The following MAGI1 variants were observed in gnomAD, a reference collection of about 807,000 sequenced individuals.
MAGI1 encodes membrane-associated guanylate kinase, WW and PDZ domain-containing protein 1.
Under a neutral mutation model 139.9 loss-of-function variants are expected in MAGI1, and 58 were observed. The ratio of observed to expected loss-of-function variants is 0.41; its 90% CI spans 0.34 to 0.52. The LOEUF is 0.52. Ranked by LOEUF, MAGI1 falls within the 20% of genes least tolerant of loss-of-function variation. MAGI1 has a pLI of 0.12. For missense variants in MAGI1, 1,874 were observed against 1,901.6 expected, an observed-to-expected ratio of 0.99 and a Z score of 0.27; for synonymous variants, 812 against 737.9, an observed-to-expected ratio of 1.10 and a Z score of -1.63.
At chr3:65,645,461 T>A (rs1370416604) in intron 1 of MAGI1, among the ~76,000 whole-genome samples, 12 of 152,300 alleles carry the variant, frequency 7.9e-5, no homozygotes, top group South Asian at 2.1e-4. Flanking sequence ...TCTTCAGGAA[T>A]GTAGGTGAAA....
In MAGI1 at chr3:65,889,996, A is replaced by C. The variant is rs7627613; in HGVS notation, c.313+148000T>G. Reference sequence around the variant, plus strand: ...GTGCCTTTCAACAGATTGTTATCTTAATGTCTACCTCATGCTGTTCACAGA... The same window carrying C: ...GTGCCTTTCAACAGATTGTTATCTTCATGTCTACCTCATGCTGTTCACAGA... On this transcript the variant is annotated intron_variant, in intron 1 of 22. Transcript: ENST00000402939. 8.6e-3 allele frequency among the ~76,000 whole-genome samples: 1,315 copies of C among 152,306 alleles called. 24 individuals are homozygous for C. Among genetic ancestry groups the C allele is most frequent in the African/African-American group, 0.03 (1,259 of 41,566 alleles).
chr3:65,530,766 T>TATATACAC (rs2078652795), intron 2 of MAGI1, among the ~76,000 whole-genome samples: 1 of 16,298 alleles, frequency 6.1e-5, no homozygotes, highest in African/African-American at 1.9e-4. Flanking sequence ...CGTATATATA[T>TATATACAC]ATATATACAC....
At chr3:66,005,060 A>G (rs2107466664) in intron 1 of MAGI1, among the ~76,000 whole-genome samples, 1 of 152,354 alleles carries the variant, frequency 6.6e-6, no homozygotes, top group East Asian at 1.9e-4. Flanking sequence ...CAAAGTTCAG[A>G]TGACATCAAG....
intron 1 of MAGI1, among the ~76,000 whole-genome samples, chr3:65,776,101 C>T (rs2038396131): frequency 6.6e-6 from 1 of 152,034 alleles, no homozygotes; most frequent in African/African-American, 2.4e-5. Context: ...GTTGTCCTTC[C>T]TACTTAGTTT....
At chr3:65,527,273 T>C (rs1396475977) in intron 2 of MAGI1, among the ~76,000 whole-genome samples, 1 of 152,154 alleles carries the variant, frequency 6.6e-6, no homozygotes, top group Non-Finnish European at 1.5e-5. Flanking sequence ...CTAACTTACA[T>C]TGTTCAGAGT....
chr3:65,575,848 G>C (rs2081152290), intron 2 of MAGI1, among the ~76,000 whole-genome samples: 1 of 152,100 alleles, frequency 6.6e-6, no homozygotes, highest in South Asian at 2.1e-4. Context: ...TATAATTCTA[G>C]ATAAAACAAA....
chr3:65,854,706 C>G (rs1437188493), intron 1 of MAGI1, among the ~76,000 whole-genome samples: 2 of 152,252 alleles, frequency 1.3e-5, no homozygotes, highest in African/African-American at 2.4e-5. Context: ...AAAAACACAG[C>G]TAGTCTCTGT....
intron 5 of MAGI1, among the ~76,000 whole-genome samples, chr3:65,457,772 C>T (rs1299876935): frequency 6.6e-6 from 1 of 152,102 alleles, no homozygotes. Context: ...GACCATCTCC[C>T]TCAAGCATTT....
intron 2 of MAGI1, among the ~76,000 whole-genome samples, chr3:65,538,770 G>T (rs2079071487): frequency 6.6e-6 from 1 of 152,116 alleles, no homozygotes; most frequent in South Asian, 2.1e-4. Context: ...TCGTTTCTCT[G>T]TTCGATCCTC....
At chr3:65,494,436 A>G (rs774308792) in intron 2 of MAGI1, among the ~76,000 whole-genome samples, 8 of 152,230 alleles carry the variant, frequency 5.3e-5, no homozygotes, top group Non-Finnish European at 1.2e-4. Flanking sequence ...AACAAAGTGG[A>G]AGCAATGAGC....
chr3:65,847,320 T>C (rs2059039686), intron 1 of MAGI1, among the ~76,000 whole-genome samples: 1 of 152,164 alleles, frequency 6.6e-6, no homozygotes, highest in South Asian at 2.1e-4. Flanking sequence ...GTTAAGGGTA[T>C]CCTGGATGGA....
intron 1 of MAGI1, among the ~76,000 whole-genome samples, chr3:65,804,117 C>A (rs757111999): frequency 3.3e-5 from 5 of 152,040 alleles, no homozygotes; most frequent in Non-Finnish European, 5.9e-5. Context: ...ATTCGAAAAA[C>A]AAACATTCAT....
chr3:65,597,526 C>G (rs957631775), intron 2 of MAGI1, among the ~76,000 whole-genome samples: 5 of 152,014 alleles, frequency 3.3e-5, no homozygotes, highest in African/African-American at 1.2e-4. Context: ...TTCCTCCCAG[C>G]CTGGCCAAAC....
At chr3:65,838,414 G>A (rs2058699772) in intron 1 of MAGI1, among the ~76,000 whole-genome samples, 1 of 152,134 alleles carries the variant, frequency 6.6e-6, no homozygotes, top group Non-Finnish European at 1.5e-5. Flanking sequence ...TCCACAACAT[G>A]CCTGGCAATA....
intron 1 of MAGI1, among the ~76,000 whole-genome samples, chr3:65,950,067 C>CAAAAAAAAAAAAAAAAAAAA (rs61696952): frequency 1.3e-4 from 10 of 76,708 alleles, no homozygotes; most frequent in South Asian, 5.6e-4. Context: ...AACAAAAAAA[C>CAAAAAAAAAAAAAAAAAAAA]AAAAAAAAAA....
At chr3:65,574,672 A>G (rs1190985391) in intron 2 of MAGI1, among the ~76,000 whole-genome samples, 5 of 152,070 alleles carry the variant, frequency 3.3e-5, no homozygotes, top group Non-Finnish European at 7.4e-5. Flanking sequence ...AAAATGAAGA[A>G]TAAAGTTGGA....
At chr3:65,512,437 G>C (rs2077646850) in intron 2 of MAGI1, among the ~76,000 whole-genome samples, 1 of 145,756 alleles carries the variant, frequency 6.9e-6, no homozygotes, top group Non-Finnish European at 1.5e-5. Flanking sequence ...AAAGAGAGAA[G>C]AATCAAATAG....
chr3:65,725,000 GA>G (rs2033447447), intron 1 of MAGI1, among the ~76,000 whole-genome samples: 1 of 152,028 alleles, frequency 6.6e-6, no homozygotes, highest in African/African-American at 2.4e-5. Flanking sequence ...CAATCACCAT[GA>G]AAAACACAGC....
At chr3:65,906,478 T>C (rs1287484021) in intron 1 of MAGI1, among the ~76,000 whole-genome samples, 7 of 152,210 alleles carry the variant, frequency 4.6e-5, no homozygotes, top group Admixed American at 2.6e-4. Context: ...CCCACCTTTC[T>C]TCCAGGCCCA....
Sources: allele counts gnomAD v4.1 joint callset (sites outside exome capture counted in the v4.1 genomes callset), GRCh38; gene constraint gnomAD v4.1.1; transcripts MANE v1.5; gene names NCBI Gene and HGNC (gene_info 2026-07-23, HGNC 2026-07-21).